The following FRAS1 variants were observed in gnomAD, a reference collection of about 807,000 sequenced individuals.
FRAS1 encodes the protein Fraser extracellular matrix complex subunit 1.
FRAS1 carries 290 observed loss-of-function variants against 435.2 expected under a neutral mutation model. That is an observed-to-expected ratio of 0.67 (90% CI 0.61 to 0.73). FRAS1 has a LOEUF of 0.73. Ranked by LOEUF, FRAS1 falls within the 30% of genes least tolerant of loss-of-function variation. The pLI is 0.00. For synonymous variants in FRAS1, 1,800 were observed against 1,851.0 expected (o/e 0.97, Z 0.71); for missense variants, 4,860 against 5,001.5 (o/e 0.97, Z 0.85).
chr4:78,267,950 C>T (rs1464378671), intron 9 of FRAS1, among the ~76,000 whole-genome samples: 2 of 152,226 alleles, frequency 1.3e-5, no homozygotes, highest in African/African-American at 4.8e-5. Flanking sequence ...AAACAATTAA[C>T]TCCATTGACC....
rs758190243 is a variant in FRAS1, at chr4:78,499,969, C to T, written c.9316+48C>T. The T allele has an allele frequency of 6.7e-6, 9 of 1,345,922 alleles. No individual in the cohort carries two copies. In the Admixed American group the frequency reaches 1.8e-4, roughly 26 times the overall value. 83.4% of individuals were successfully genotyped at this position (1,345,922 alleles called of 1,614,324 possible). A position where few individuals can be genotyped will look rare whatever the true frequency, so the allele number is the denominator to read the frequency against. On this transcript the variant is annotated intron_variant, in intron 61 of 73. Transcript: ENST00000512123. ...CTGTGGGTTTTACTTAATAGAGGGG[C>T]AAAAATCTTGTATTTGAAGAAAGGA...
intron 1 of FRAS1, among the ~76,000 whole-genome samples, chr4:78,061,931 T>A (rs1246977562): frequency 6.6e-6 from 1 of 152,210 alleles, no homozygotes; most frequent in Non-Finnish European, 1.5e-5. Flanking sequence ...AGATGATGGT[T>A]GTAACTTTGC....
intron 19 of FRAS1, among the ~76,000 whole-genome samples, chr4:78,336,719 C>A (rs1423353989): frequency 6.6e-6 from 1 of 151,994 alleles, no homozygotes; most frequent in Admixed American, 6.6e-5. Context: ...GAAATCTGTG[C>A]CTTTGCTTCC....
chr4:78,099,668 A>G (rs1742015362), intron 2 of FRAS1, among the ~76,000 whole-genome samples: 1 of 152,206 alleles, frequency 6.6e-6, no homozygotes, highest in Non-Finnish European at 1.5e-5. Context: ...GGTCACATAC[A>G]GTGAGAACAT....
chr4:78,441,098 A>G lies in FRAS1; in HGVS notation c.5530-64A>G, dbSNP rs1054746179. ...TCACCCAGGCAGCACTTTGCAATCC[A>G]GCTCTTTTTTTACTGTGGTTATGTG... is the stretch of plus-strand genomic sequence containing the variant. On this transcript the variant is annotated intron_variant, in intron 40 of 73. Coordinates refer to ENST00000512123, the MANE Select transcript of FRAS1 (RefSeq NM_025074.7). The G allele has an allele frequency of 4.5e-6, 7 of 1,566,160 alleles. No individual in the cohort carries two copies. In the African/African-American group the frequency reaches 9.5e-5, roughly 21 times the overall value.
At chr4:78,256,420 T>G (rs1236091803) in intron 6 of FRAS1, among the ~76,000 whole-genome samples, 1 of 152,182 alleles carries the variant, frequency 6.6e-6, no homozygotes, top group Non-Finnish European at 1.5e-5. Flanking sequence ...TGTTGAGGCA[T>G]TCTGATTAAG....
At chr4:78,096,977 C>A (rs1480887360) in intron 2 of FRAS1, among the ~76,000 whole-genome samples, 2 of 152,162 alleles carry the variant, frequency 1.3e-5, no homozygotes, top group East Asian at 3.8e-4. Context: ...ATTTTCTGAA[C>A]TTTTATGCTC....
chr4:78,108,997 A>T (rs1742543543), intron 2 of FRAS1, among the ~76,000 whole-genome samples: 1 of 51,220 alleles, frequency 2.0e-5, no homozygotes, highest in Non-Finnish European at 3.4e-5. Context: ...TAGAAAATCT[A>T]GAAGAAATGG....
intron 2 of FRAS1, among the ~76,000 whole-genome samples, chr4:78,135,309 A>G (rs896072552): frequency 1.3e-5 from 2 of 151,890 alleles, no homozygotes; most frequent in African/African-American, 4.8e-5. Flanking sequence ...TTCTCCTTTC[A>G]GAAAATCTCC....
chr4:78,118,837 C>T (rs56209110), intron 2 of FRAS1, among the ~76,000 whole-genome samples: 7,466 of 149,724 alleles, frequency 0.05, 256 homozygotes, highest in Middle Eastern at 0.085. Flanking sequence ...TGCACCCACT[C>T]TCCGACACTC....
At chr4:78,444,008 C>T in intron 41 of FRAS1, 1 of 349,204 alleles carries the variant, frequency 2.9e-6, no homozygotes, top group Non-Finnish European at 5.6e-6. Flanking sequence ...GCCATCATGC[C>T]TGGCAAATTT....
At chr4:78,322,513 T>TACAGCAC (rs1343773196) in intron 18 of FRAS1, among the ~76,000 whole-genome samples, 15 of 149,834 alleles carry the variant, frequency 1.0e-4, no homozygotes, top group South Asian at 2.1e-4. Context: ...TCTTTGAGAC[T>TACAGCAC]ACAGCACAGA....
intron 2 of FRAS1, among the ~76,000 whole-genome samples, chr4:78,081,176 G>A (rs2109876006): frequency 6.6e-6 from 1 of 152,206 alleles, no homozygotes; most frequent in East Asian, 1.9e-4. Context: ...GGCAACAACA[G>A]GTTCCCTGAG....
At chr4:78,466,173 C>T (rs1243208229) in intron 49 of FRAS1, 35 bp from the exon 50 acceptor site, 2 of 1,582,142 alleles carry the variant, frequency 1.3e-6, no homozygotes, top group Admixed American at 1.7e-5. Context: ...CTGTTATGAG[C>T]TTCCCTCCCC....
chr4:78,186,349 G>A (rs1361915570), intron 2 of FRAS1, among the ~76,000 whole-genome samples: 1 of 151,930 alleles, frequency 6.6e-6, no homozygotes. Flanking sequence ...TATTATAAAT[G>A]CCATCTGTTC....
intron 59 of FRAS1, among the ~76,000 whole-genome samples, chr4:78,492,698 A>G (rs551893807): frequency 1.3e-5 from 2 of 152,354 alleles, no homozygotes; most frequent in South Asian, 4.1e-4. Context: ...AAATCCTAGA[A>G]GTAAACATAG....
Position 78,148,336 on chromosome 4 carries a change from A to G in FRAS1, c.108+82320A>G, listed in dbSNP as rs75293267. Reference sequence around the variant, plus strand: ...GTCCAAGATCACAGAAGTATTAACTATTGAAGCTTGAGAAAACAGCCAGTT... The same window carrying G: ...GTCCAAGATCACAGAAGTATTAACTGTTGAAGCTTGAGAAAACAGCCAGTT... On this transcript the variant is annotated intron_variant, in intron 2 of 73. Coordinates refer to ENST00000512123, the MANE Select transcript of FRAS1 (RefSeq NM_025074.7). Among the ~76,000 whole-genome samples, 1,064 of 152,298 alleles carry G rather than the reference A, an allele frequency of 7.0e-3. 9 individuals are homozygous for G. Among genetic ancestry groups the G allele is most frequent in the Non-Finnish European group, 0.012 (783 of 68,018 alleles).
chr4:78,070,159 A>C (rs1560506695), intron 2 of FRAS1, among the ~76,000 whole-genome samples: 1 of 152,148 alleles, frequency 6.6e-6, no homozygotes, highest in Admixed American at 6.6e-5. Flanking sequence ...ATGTGATGCA[A>C]AACATGTTTA....
chr4:78,168,904 T>A (rs1361132582), intron 2 of FRAS1, among the ~76,000 whole-genome samples: 1 of 152,078 alleles, frequency 6.6e-6, no homozygotes, highest in East Asian at 1.9e-4. Flanking sequence ...TGTTGAATCG[T>A]ATGAGGGTGC....
Sources: gnomAD v4.1 joint callset for allele counts (sites outside exome capture counted in the v4.1 genomes callset) on GRCh38, gnomAD v4.1.1 for gene constraint, MANE v1.5 for transcripts, NCBI Gene and HGNC (gene_info 2026-07-23, HGNC 2026-07-21) for gene names.